The following RANBP3 variants were observed in gnomAD, a reference collection of about 807,000 sequenced individuals.
The protein encoded by RANBP3 is ran-binding protein 3.
RANBP3 carries 14 observed loss-of-function variants against 77.3 expected under a neutral mutation model. The ratio of observed to expected loss-of-function variants is 0.18; its 90% CI spans 0.12 to 0.28. The LOEUF (loss-of-function observed/expected upper bound fraction) is 0.28. Ranked by LOEUF, RANBP3 falls within the 10% of genes least tolerant of loss-of-function variation. RANBP3 has a pLI of 1.00. For missense variants in RANBP3, 586 were observed against 752.3 expected (o/e 0.78, Z 2.59); for synonymous variants, 315 against 312.4 (o/e 1.01, Z -0.09).
intron 9 of RANBP3, among the ~76,000 whole-genome samples, chr19:5,926,943 C>A (rs894417681): frequency 2.0e-5 from 3 of 152,154 alleles, no homozygotes; most frequent in Non-Finnish European, 4.4e-5. Flanking sequence ...TCAGGGCCCT[C>A]CCCGTCGACA....
At chr19:5,933,302 C>G in intron 6 of RANBP3, 112 bp downstream of exon 6, 1 of 862,962 alleles carries the variant, frequency 1.2e-6, no homozygotes, top group South Asian at 1.8e-5. Flanking sequence ...GGTCAAGTTA[C>G]AAGTGATCTT....
rs377251828 is a variant in RANBP3, at chr19:5,933,433, G to A, written c.453C>T (p.His151=). Residue 151 remains histidine, a synonymous_variant, in exon 6 of 17, where the codon CAC becomes CAT. Coordinates refer to ENST00000340578, the MANE Select transcript of RANBP3 (RefSeq NM_007322.3). ...GFRLKPPTLI[H]GQAPSAGLPS... Reference sequence around the variant, plus strand: ...ACCTACCTGCGCTGGGGGCTTGGCCGTGGATCAGCGTTGGTGGCTTCAACC... The same window carrying A: ...ACCTACCTGCGCTGGGGGCTTGGCCATGGATCAGCGTTGGTGGCTTCAACC... 5.4e-4 allele frequency: 867 copies of A among 1,613,146 alleles called. 9 individuals are homozygous for A. The South Asian group carries it at 8.7e-3, about 16-fold the overall frequency.
chr19:5,923,890 T>C lies in RANBP3; in HGVS notation c.1021A>G (p.Ser341Gly). ...VLSPPKLNEV[S>G]SDANRENAAA... ...GCATTTTCCCTGTTGGCATCTGAACTGACCTCGTTTAATTTTGGGGGGCTC... is the reference window on the plus strand; with the variant it reads ...GCATTTTCCCTGTTGGCATCTGAACCGACCTCGTTTAATTTTGGGGGGCTC... Residue 341 changes from serine to glycine, a missense_variant, in exon 12 of 17, where the codon AGT becomes GGT. Physicochemically the swap from Ser to Gly is moderately conservative, Grantham distance 56 (BLOSUM62 0). Coordinates refer to ENST00000340578, the MANE Select transcript of RANBP3 (RefSeq NM_007322.3). 6.2e-7 allele frequency: 1 copy of C among 1,614,166 alleles called. No individual in the cohort carries two copies. Among genetic ancestry groups the C allele is most frequent in the Non-Finnish European group, 8.5e-7 (1 of 1,179,994 alleles).
At chr19:5,955,842 C>A (rs181608709) in intron 2 of RANBP3, among the ~76,000 whole-genome samples, 1 of 152,180 alleles carries the variant, frequency 6.6e-6, no homozygotes, top group African/African-American at 2.4e-5. Context: ...TGGCTCATGC[C>A]CACAATCCCA....
chr19:5,953,108 G>A (rs959451581), intron 2 of RANBP3, among the ~76,000 whole-genome samples: 1 of 152,146 alleles, frequency 6.6e-6, no homozygotes, highest in Non-Finnish European at 1.5e-5. Flanking sequence ...TCATAAACAT[G>A]GAAACCAAGA....
At chr19:5,961,949 C>T (rs1179885019) in intron 1 of RANBP3, among the ~76,000 whole-genome samples, 1 of 151,774 alleles carries the variant, frequency 6.6e-6, no homozygotes, top group Non-Finnish European at 1.5e-5. Context: ...CGTGGTTCCC[C>T]TTGTTTTCCA....
At chr19:5,956,541 G>GT (rs750882421) in intron 2 of RANBP3, among the ~76,000 whole-genome samples, 2 of 152,214 alleles carry the variant, frequency 1.3e-5, no homozygotes, top group Non-Finnish European at 2.9e-5. Flanking sequence ...AGCAAAAAAA[G>GT]TAACAATGGG....
chr19:5,925,097 T>G (rs2057885211), intron 10 of RANBP3, 192 bp from the exon 11 acceptor site: 1 of 605,112 alleles, frequency 1.7e-6, no homozygotes, highest in Non-Finnish European at 3.0e-6. Context: ...AACCCTTAGC[T>G]CGCCCTGATG....
rs374227785 is a variant in RANBP3 at position 5,918,574 on chromosome 19, G to A, written c.1395C>T (p.Ile465=). 7.4e-6 allele frequency: 12 copies of A among 1,613,698 alleles called. No homozygotes were observed. Among genetic ancestry groups the A allele is most frequent in the African/African-American group, 1.3e-5 (1 of 74,922 alleles). Residue 465 remains isoleucine (I), a synonymous_variant, in exon 15 of 17, where the codon ATC becomes ATT. Coordinates refer to ENST00000340578, the MANE Select transcript of RANBP3 (RefSeq NM_007322.3). ...LNTKLWAQMQ[I]DKASEKSIRI... ...GAATGCTCTTCTCGCTGGCCTTGTC[G>A]ATCTGCATCTGGGCCCACAGCTTGG...
chr19:5,929,219 G>A (rs749109630), intron 8 of RANBP3, among the ~76,000 whole-genome samples: 1 of 152,232 alleles, frequency 6.6e-6, no homozygotes. Context: ...CTGACTTCAC[G>A]CTGCATCCTT....
At chr19:5,947,388 C>T (rs1285470751) in intron 3 of RANBP3, among the ~76,000 whole-genome samples, 4 of 151,916 alleles carry the variant, frequency 2.6e-5, no homozygotes, top group African/African-American at 4.8e-5. Context: ...TCCGAAGACT[C>T]GAGCTTAGTG....
intron 9 of RANBP3, 75 bp from the exon 10 acceptor site, chr19:5,925,812 C>A: frequency 2.4e-6 from 3 of 1,232,970 alleles, no homozygotes; most frequent in East Asian, 4.7e-5. Context: ...TGTCTGCAGA[C>A]CCCCTGAGCT....
chr19:5,933,261 C>T lies in RANBP3; in HGVS notation c.472+153G>A, dbSNP rs549032676. The stretch of plus-strand genomic sequence containing the variant: ...GTCCCAACCTCCCTGCTCAGACAGC[C>T]TCTCTTTAAAGGAACTTTCCAGGGC... On this transcript the variant is annotated intron_variant, in intron 6 of 16. Transcript: ENST00000340578. 1.3e-4 allele frequency: 80 copies of T among 599,764 alleles called. 1 individual carries two copies. The African/African-American group carries it at 1.5e-3, about 11-fold the overall frequency. The allele number at this position is 599,764 out of a possible 1,614,324, so 37.2% of individuals were successfully genotyped here.
At chr19:5,932,666 CT>C (rs574138696) in intron 6 of RANBP3, 122 bp from the exon 7 acceptor site, 3 of 693,932 alleles carry the variant, frequency 4.3e-6, no homozygotes, top group Admixed American at 3.0e-5. Flanking sequence ...CAGGGAAGCA[CT>C]TTTTTAAAAA....
intron 1 of RANBP3, among the ~76,000 whole-genome samples, chr19:5,967,841 T>C (rs2058485753): frequency 6.6e-6 from 1 of 152,020 alleles, no homozygotes; most frequent in Non-Finnish European, 1.5e-5. Flanking sequence ...GGCAACATGG[T>C]GAAATCGTGT....
chr19:5,925,383 T>A, intron 10 of RANBP3: 1 of 572,120 alleles, frequency 1.7e-6, no homozygotes, highest in South Asian at 2.0e-5. Context: ...GGCTGTAGCC[T>A]CCATGGGCCC....
At chr19:5,918,123 C>A in intron 15 of RANBP3, 143 bp from the exon 16 acceptor site, 1 of 950,342 alleles carries the variant, frequency 1.1e-6, no homozygotes, top group Non-Finnish European at 1.5e-6. Flanking sequence ...CTGGGCCTGC[C>A]GGCCTCTCCC....
chr19:5,936,694 C>T (rs145974853), intron 5 of RANBP3, among the ~76,000 whole-genome samples: 209 of 152,298 alleles, frequency 1.4e-3, no homozygotes, highest in Non-Finnish European at 2.3e-3. Flanking sequence ...AAATGAACAA[C>T]GGGGACCTGC....
rs760025687 is a variant in RANBP3, at chr19:5,921,249, G to A, written c.1282C>T (p.Leu428Phe). 1 of 1,613,368 alleles carries A rather than the reference G, an allele frequency of 6.2e-7. No homozygotes were observed. Among genetic ancestry groups the A allele is most frequent in the Admixed American group, 1.7e-5 (1 of 59,970 alleles). The part of the protein sequence containing the change: ...WVERGRGLLR[L>F]NDMASTDDGT... ...TCATCGGTGGACGCCATGTCATTGA[G>A]TCTGAGCAGCCCCCGGCCTCTCTCC... is the stretch of plus-strand genomic sequence containing the variant. The change falls in exon 14 of 17, where the codon CTC becomes TTC. Residue 428 changes from leucine to phenylalanine, a missense_variant. By Grantham distance (22) the Leu-to-Phe change is conservative. Around this residue, in one of 5 missense-constraint regions of RANBP3, gnomAD observed 51 missense variants for 123.2 expected, o/e 0.41. Coordinates refer to ENST00000340578, the MANE Select transcript of RANBP3 (RefSeq NM_007322.3). This position sits in a 1 kb window ranked among gnomAD's most constrained non-coding sequence, Gnocchi z 5.3.
Sources: allele counts gnomAD v4.1 joint callset (sites outside exome capture counted in the v4.1 genomes callset), GRCh38; gene constraint gnomAD v4.1.1; regional missense constraint gnomAD v4.1.1; non-coding constraint Gnocchi (gnomAD v3.1); transcripts MANE v1.5; gene names NCBI Gene and HGNC (gene_info 2026-07-23, HGNC 2026-07-21).